TNRC6B: variants seen among roughly 807,000 people sequenced by gnomAD.
TNRC6B encodes trinucleotide repeat containing adaptor 6B.
TNRC6B carries 52 observed loss-of-function variants against 203.6 expected under a neutral mutation model. That is an observed-to-expected ratio of 0.26 (90% confidence interval 0.20 to 0.32). The LOEUF is 0.32. Ranked by LOEUF, TNRC6B falls within the 10% of genes least tolerant of loss-of-function variation. The probability of loss-of-function intolerance (pLI) is 1.00; values close to 1 mark genes in which losing one functional copy is unlikely to be tolerated. For missense variants in TNRC6B, 1,923 were observed against 2,286.2 expected (o/e 0.84, Z 3.24); for synonymous variants, 838 against 845.7 (o/e 0.99, Z 0.16).
intron 5 of TNRC6B, among the ~76,000 whole-genome samples, chr22:40,267,872 A>G (rs1464913860): frequency 6.6e-6 from 1 of 150,718 alleles, no homozygotes; most frequent in Admixed American, 6.6e-5. Context: ...CCTGTTGCCA[A>G]AAAAAAAAGA....
intron 1 of TNRC6B, among the ~76,000 whole-genome samples, chr22:40,244,568 C>T (rs1469372898): frequency 1.3e-5 from 2 of 151,662 alleles, no homozygotes; most frequent in Non-Finnish European, 2.9e-5. Context: ...TAAACTAGAT[C>T]TCCGCTTCCC....
intron 3 of TNRC6B, among the ~76,000 whole-genome samples, chr22:40,154,877 A>ATATATATATG (rs2068804594): frequency 1.8e-5 from 1 of 56,274 alleles, no homozygotes; most frequent in African/African-American, 9.7e-5. Context: ...ATATATATAT[A>ATATATATATG]TATATATATA....
At position 40,278,341 on chromosome 22, in the gene TNRC6B, C is replaced by T. The variant is rs145051655; in HGVS notation, c.3262+297C>T. Among the ~76,000 whole-genome samples, 482 of 151,624 alleles carry T rather than the reference C, an allele frequency of 3.2e-3. 1 individual carries two copies. Among genetic ancestry groups the T allele is most frequent in the Admixed American group, 4.7e-3 (71 of 15,226 alleles). Reference sequence around the variant, plus strand: ...TTGGGAGACCGAGGTGGGTGGATTACGAGGTCAAGAGATCGAGACCATCCT... The same window carrying T: ...TTGGGAGACCGAGGTGGGTGGATTATGAGGTCAAGAGATCGAGACCATCCT... On this transcript the variant is annotated intron_variant, in intron 9 of 22. Transcript: ENST00000454349.
intron 1 of TNRC6B, among the ~76,000 whole-genome samples, chr22:40,079,814 G>A (rs2068050340): frequency 6.6e-6 from 1 of 151,204 alleles, no homozygotes; most frequent in Admixed American, 6.6e-5. Flanking sequence ...TTTATTTTTT[G>A]AGATGGAGTC....
intron 1 of TNRC6B, among the ~76,000 whole-genome samples, chr22:40,195,396 G>T (rs2069323951): frequency 6.6e-6 from 1 of 152,186 alleles, no homozygotes. Context: ...TGTCTAACCT[G>T]CTGGGACCTT....
intron 12 of TNRC6B, among the ~76,000 whole-genome samples, chr22:40,296,361 T>G (rs1440330261): frequency 1.3e-5 from 2 of 150,110 alleles, no homozygotes; most frequent in Admixed American, 1.3e-4. Context: ...AGACAGAGTT[T>G]CGCTCTGTCG....
chr22:40,310,521 G>A (rs763184096), intron 16 of TNRC6B, among the ~76,000 whole-genome samples: 7 of 152,146 alleles, frequency 4.6e-5, no homozygotes, highest in Non-Finnish European at 1.0e-4. Context: ...GTATGTGAAC[G>A]TTTCATTAAT....
At chr22:40,140,749 T>C (rs1439052590) in intron 3 of TNRC6B, among the ~76,000 whole-genome samples, 2 of 152,070 alleles carry the variant, frequency 1.3e-5, no homozygotes, top group South Asian at 4.1e-4. Context: ...CAAGCAATTT[T>C]CCTGCCTCAA....
At chr22:40,100,111 GAC>G in intron 1 of TNRC6B, among the ~76,000 whole-genome samples, 1 of 142,584 alleles carries the variant, frequency 7.0e-6, no homozygotes. Context: ...TATTTATGGA[GAC>G]AGGGTCTCTC....
chr22:40,316,017 T>C lies in TNRC6B; in HGVS notation c.4974+5T>C, dbSNP rs766259464. On this transcript the variant is annotated splice_donor_5th_base_variant and intron_variant, in intron 21 of 22. Coordinates refer to ENST00000454349, the MANE Select transcript of TNRC6B (RefSeq NM_001162501.2). ...CTTCACAATCTCACCCCACAGGTAA[T>C]TATGCTTTCTCGCAGTTTTCTAGAT... The C allele has an allele frequency of 1.9e-6, 3 of 1,613,054 alleles. No homozygotes were observed. The highest frequency in any genetic ancestry group is 2.5e-6 in the Non-Finnish European group (3 of 1,179,172).
chr22:40,170,931 CCATATATGTACATATAGG>C (rs2068987368), intron 4 of TNRC6B, among the ~76,000 whole-genome samples: 1 of 138,700 alleles, frequency 7.2e-6, no homozygotes, highest in African/African-American at 2.7e-5. Context: ...ATATATACAC[CCATATATGTACATATAGG>C]TGTATATATA....
intron 12 of TNRC6B, among the ~76,000 whole-genome samples, chr22:40,293,689 C>T (rs185370759): frequency 6.6e-6 from 1 of 152,048 alleles, no homozygotes; most frequent in Non-Finnish European, 1.5e-5. Context: ...CATGCTTGCT[C>T]CTTGTCTGCC....
chr22:40,088,580 A>G (rs887426766), intron 1 of TNRC6B, among the ~76,000 whole-genome samples: 6 of 83,238 alleles, frequency 7.2e-5, no homozygotes, highest in African/African-American at 2.2e-4. Context: ...CCCGGCGGCT[A>G]CTTTTGTGTG....
At chr22:40,113,702 A>C (rs73428256) in intron 1 of TNRC6B, among the ~76,000 whole-genome samples, 4 of 152,050 alleles carry the variant, frequency 2.6e-5, no homozygotes, top group African/African-American at 9.7e-5. Context: ...AATTAACTAG[A>C]TATCTTCTTG....
rs1174564007 is a variant in TNRC6B at position 40,331,754 on chromosome 22, G to A, written c.*8513G>A. On this transcript the variant is annotated 3_prime_UTR_variant, in exon 23 of 23. Coordinates refer to ENST00000454349, the MANE Select transcript of TNRC6B (RefSeq NM_001162501.2). ...TAACTATGCATTCTGCAAAGGGGGT[G>A]GGGAGGAGAGGGCAGAAAGGGGAAG... is the stretch of plus-strand genomic sequence containing the variant. The A allele has an allele frequency of 1.0e-5, 4 of 384,488 alleles. No homozygotes were observed. Among genetic ancestry groups the A allele is most frequent in the African/African-American group, 4.2e-5 (2 of 48,008 alleles). The allele number at this position is 384,488 out of a possible 1,614,324, so 23.8% of individuals were successfully genotyped here.
In TNRC6B at chr22:40,266,500, A is replaced by G. The variant is rs1256669439; in HGVS notation, c.2270A>G (p.Lys757Arg). The change falls in exon 5 of 23, where the codon AAA becomes AGA. Residue 757 changes from lysine to arginine, a missense_variant. Lys to Arg is a conservative substitution (Grantham distance 26). This residue lies in a region of TNRC6B where 599 missense variants were observed against 656.5 expected (regional missense o/e 0.91). Transcript: ENST00000454349. ...NGWGEEVDQT[K>R]NSNWESSASK... ...TGGGGGGAGGAAGTCGATCAGACAA[A>G]AAACAGCAATTGGGAAAGTTCTGCA... The G allele has an allele frequency of 6.2e-7, 1 of 1,613,768 alleles. No homozygotes were observed. The highest frequency in any genetic ancestry group is 8.5e-7 in the Non-Finnish European group (1 of 1,179,822).
chr22:40,221,758 C>A (rs1261318825), intron 1 of TNRC6B, among the ~76,000 whole-genome samples: 2 of 123,382 alleles, frequency 1.6e-5, no homozygotes, highest in South Asian at 2.9e-4. Flanking sequence ...ATTGCCCCCC[C>A]CCCTTTTTTT....
chr22:40,288,278 AGTC>A (rs1449357471), intron 12 of TNRC6B, among the ~76,000 whole-genome samples: 3 of 152,070 alleles, frequency 2.0e-5, no homozygotes, highest in Non-Finnish European at 4.4e-5. Flanking sequence ...CCAGGTCTCC[AGTC>A]TTCTGTGACA....
At chr22:40,204,044 G>T (rs1016368543) in intron 1 of TNRC6B, among the ~76,000 whole-genome samples, 6 of 152,102 alleles carry the variant, frequency 3.9e-5, no homozygotes, top group African/African-American at 1.4e-4. Flanking sequence ...AAATAAAAGC[G>T]AATCAAAAAG....
Sources: allele counts gnomAD v4.1 joint callset (sites outside exome capture counted in the v4.1 genomes callset), GRCh38; gene constraint gnomAD v4.1.1; regional missense constraint gnomAD v4.1.1; transcripts MANE v1.5; gene names NCBI Gene and HGNC (gene_info 2026-07-23, HGNC 2026-07-21).